PEX5: variants seen among roughly 807,000 people sequenced by gnomAD.
PEX5 encodes the protein peroxisomal biogenesis factor 5.
In PEX5, 52 loss-of-function variants were observed where a neutral mutation model predicts 82.9. That is an observed-to-expected ratio of 0.63 (90% confidence interval 0.50 to 0.79). The LOEUF (loss-of-function observed/expected upper bound fraction) is 0.79, where lower values mean the gene tolerates loss of function less well. Among genes scored for constraint, PEX5 ranks in the 30% least tolerant of loss-of-function variants. PEX5 has a pLI of 0.00. For synonymous variants in PEX5, 300 were observed against 318.8 expected, an observed-to-expected ratio of 0.94 and a Z score of 0.63; for missense variants, 719 against 815.2, an observed-to-expected ratio of 0.88 and a Z score of 1.44.
upstream of PEX5, chr12:7,188,774 C>G (rs1940388279): frequency 6.6e-6 from 1 of 152,586 alleles, no homozygotes; most frequent in South Asian, 2.1e-4. Flanking sequence ...CCTTGCTCTT[C>G]TCCATGACAC....
intron 8 of PEX5, 115 bp from the exon 9 acceptor site, chr12:7,202,497 C>T: frequency 1.4e-6 from 2 of 1,397,452 alleles, no homozygotes; most frequent in Non-Finnish European, 2.0e-6. Context: ...GAAAGAGATT[C>T]TGAGAATGAT....
At chr12:7,188,712 TG>T (rs1940382918), upstream of PEX5, 1 of 152,540 alleles carries the variant, frequency 6.6e-6, no homozygotes, top group African/African-American at 2.4e-5. Flanking sequence ...ATGGTACTTC[TG>T]TTCGTCTGGC....
In PEX5 at chr12:7,207,886, G is replaced by A; in HGVS notation, c.1110+84G>A. On this transcript the variant is annotated intron_variant, in intron 11 of 15. Coordinates refer to ENST00000675855, the MANE Select transcript of PEX5 (RefSeq NM_001351132.2). Reference sequence around the variant, plus strand: ...GCCCCAAGGAGAGTAGTGCAGATGGGTTAGGGCCTGGGTGATGGCCTAGGA... The same window carrying A: ...GCCCCAAGGAGAGTAGTGCAGATGGATTAGGGCCTGGGTGATGGCCTAGGA... 2.6e-6 allele frequency: 4 copies of A among 1,556,378 alleles called. No individual in the cohort carries two copies. The Admixed American group carries it at 5.0e-5, about 19-fold the overall frequency.
rs1941125835 is a variant in PEX5 at position 7,191,553 on chromosome 12, C to T, written c.317-16C>T. On this transcript the variant is annotated splice_polypyrimidine_tract_variant and intron_variant, in intron 4 of 15. Coordinates refer to ENST00000675855, the MANE Select transcript of PEX5 (RefSeq NM_001351132.2). ...TGTATGTATTCTTTCTTAGTTTTCT[C>T]TCTCTCTCTTTTAAGCCCCTGGTGT... is the stretch of plus-strand genomic sequence containing the variant. The T allele has an allele frequency of 3.1e-6, 5 of 1,613,630 alleles. No homozygotes were observed. The highest frequency in any genetic ancestry group is 2.2e-5 in the South Asian group (2 of 91,050).
In PEX5 at chr12:7,189,711, A is replaced by T. The variant is rs1189952599; in HGVS notation, c.-56A>T. On this transcript the variant is annotated 5_prime_UTR_variant, in exon 1 of 16. Transcript: ENST00000675855. ...CTCTTCTCCCCTCCCCCAAGCCAGC[A>T]CCTGGTGCCCCGGCGGGTCGTGCGG... 4 of 364,458 alleles carry T rather than the reference A, an allele frequency of 1.1e-5. No homozygotes were observed. Among genetic ancestry groups the T allele is most frequent in the African/African-American group, 2.2e-5 (1 of 46,508 alleles). The allele number at this position is 364,458 out of a possible 1,614,324, so 22.6% of individuals were successfully genotyped here.
chr12:7,209,244 G>T, intron 14 of PEX5, 74 bp downstream of exon 14: 2 of 1,454,786 alleles, frequency 1.4e-6, no homozygotes, highest in Non-Finnish European at 1.9e-6. Flanking sequence ...GGGAAGCTGG[G>T]TTTGATGGTG....
chr12:7,201,874 A>G, intron 7 of PEX5, 33 bp downstream of exon 7: 1 of 1,509,634 alleles, frequency 6.6e-7, no homozygotes, highest in Non-Finnish European at 9.2e-7. Context: ...TTTGCCCAGC[A>G]GAGCTGGTTT....
At chr12:7,196,237 TTA>T (rs1173951144) in intron 5 of PEX5, among the ~76,000 whole-genome samples, 28 of 33,150 alleles carry the variant, frequency 8.4e-4, no homozygotes, top group East Asian at 1.5e-3. Context: ...TATAATTTAA[TTA>T]TATGTCATAT....
intron 17 of PEX5, among the ~76,000 whole-genome samples, chr12:7,216,688 A>G (rs1354756543): frequency 6.6e-6 from 1 of 152,236 alleles, no homozygotes. Flanking sequence ...AGTCAAAAAC[A>G]AAACAACTTT....
At chr12:7,214,908 T>C (rs948186487), downstream of PEX5, among the ~76,000 whole-genome samples, 3 of 152,126 alleles carry the variant, frequency 2.0e-5, no homozygotes, top group African/African-American at 7.2e-5. Flanking sequence ...TAAATTCATC[T>C]TGGGATTTTA....
At position 7,189,715 on chromosome 12, in the gene PEX5, G is replaced by A. The variant is rs1004917827; in HGVS notation, c.-52G>A. On this transcript the variant is annotated 5_prime_UTR_variant, in exon 1 of 16. Coordinates refer to ENST00000675855, the MANE Select transcript of PEX5 (RefSeq NM_001351132.2). ...TCTCCCCTCCCCCAAGCCAGCACCT[G>A]GTGCCCCGGCGGGTCGTGCGGCGCG... is the stretch of plus-strand genomic sequence containing the variant. 2.4e-5 allele frequency: 9 copies of A among 381,200 alleles called. No homozygotes were observed. Among genetic ancestry groups the A allele is most frequent in the South Asian group, 1.2e-4 (1 of 8,022 alleles). The allele number at this position is 381,200 out of a possible 1,614,324, so 23.6% of individuals were successfully genotyped here.
intron 10 of PEX5, among the ~76,000 whole-genome samples, chr12:7,206,413 C>G (rs1944794080): frequency 1.3e-5 from 2 of 152,198 alleles, no homozygotes; most frequent in Admixed American, 1.3e-4. Context: ...TGCAGCAGAT[C>G]CACGAAGCCT....
In PEX5 at chr12:7,202,051, C is replaced by T. The variant is rs117369064; in HGVS notation, c.643-190C>T. On this transcript the variant is annotated intron_variant, in intron 7 of 15. Coordinates refer to ENST00000675855, the MANE Select transcript of PEX5 (RefSeq NM_001351132.2). ...TGCCTACTAACTCTTTTTTCTGATG[C>T]CTTTGCAAGTCTTTAGAGCCAGAAA... is the stretch of plus-strand genomic sequence containing the variant. 6.8e-3 allele frequency: 5,914 copies of T among 874,218 alleles called. 28 individuals carry two copies. The highest frequency in any genetic ancestry group is 8.0e-3 in the Non-Finnish European group (4,413 of 550,968). 54.2% of individuals were successfully genotyped at this position (874,218 alleles called of 1,614,324 possible).
chr12:7,196,525 TTA>T (rs1258046191), intron 5 of PEX5, among the ~76,000 whole-genome samples: 2,135 of 82,122 alleles, frequency 0.026, 325 homozygotes, highest in Middle Eastern at 0.043. Context: ...AATGTAATAA[TTA>T]TATATGTCAC....
At chr12:7,197,403 T>C (rs1205591861) in intron 5 of PEX5, among the ~76,000 whole-genome samples, 1 of 84,902 alleles carries the variant, frequency 1.2e-5, no homozygotes, top group Non-Finnish European at 2.7e-5. Flanking sequence ...TATATATATG[T>C]CATATACAAT....
chr12:7,190,443 G>T lies in PEX5; in HGVS notation c.66G>T (p.Gly22=). 1 of 1,614,210 alleles carries T rather than the reference G, an allele frequency of 6.2e-7. No individual in the cohort carries two copies. Among genetic ancestry groups the T allele is most frequent in the South Asian group, 1.1e-5 (1 of 91,086 alleles). ...GGANPLMKLA[G]HFTQDKALRQ... is the part of the protein sequence containing the mutation. ...CCAACCCGCTCATGAAGCTCGCCGGGCACTTCACCCAGGACAAGGCCCTTC... is the reference window on the plus strand; with the variant it reads ...CCAACCCGCTCATGAAGCTCGCCGGTCACTTCACCCAGGACAAGGCCCTTC... Residue 22 remains glycine, a synonymous_variant, in exon 2 of 16, where the codon GGG becomes GGT. Coordinates refer to ENST00000675855, the MANE Select transcript of PEX5 (RefSeq NM_001351132.2).
At position 7,202,663 on chromosome 12, in the gene PEX5, G is replaced by C; in HGVS notation, c.805G>C (p.Ala269Pro). 1 of 1,614,156 alleles carries C rather than the reference G, an allele frequency of 6.2e-7. No individual in the cohort carries two copies. The highest frequency in any genetic ancestry group is 8.5e-7 in the Non-Finnish European group (1 of 1,179,998). ...DQFTRPVNTS[A>P]LDMEFERAKS... ...GTTCACAAGACCAGTAAACACATCT[G>C]CCCTTGATATGGAGTTTGAACGAGC... Residue 269 changes from alanine (A) to proline (P), a missense_variant, in exon 9 of 16, where the codon GCC becomes CCC. Coordinates refer to ENST00000675855, the MANE Select transcript of PEX5 (RefSeq NM_001351132.2).
intron 9 of PEX5, 48 bp from the exon 10 acceptor site, chr12:7,203,384 G>A: frequency 2.5e-6 from 4 of 1,577,976 alleles, no homozygotes; most frequent in Non-Finnish European, 2.6e-6. Flanking sequence ...GTGGGGTGGG[G>A]TGGTCATGAT....
chr12:7,194,702 A>C (rs1941781144), intron 5 of PEX5, among the ~76,000 whole-genome samples: 1 of 152,206 alleles, frequency 6.6e-6, no homozygotes, highest in Non-Finnish European at 1.5e-5. Flanking sequence ...TTAAATTTAG[A>C]CAGCTTCGGT....
Sources: gnomAD v4.1 joint callset for allele counts (sites outside exome capture counted in the v4.1 genomes callset) on GRCh38, gnomAD v4.1.1 for gene constraint, MANE v1.5 for transcripts, NCBI Gene and HGNC (gene_info 2026-07-23, HGNC 2026-07-21) for gene names.